Variants in TNC observed in about 807,000 individuals in gnomAD.
The protein encoded by TNC is tenascin C, also known as tenascin.
Under a neutral mutation model 202.4 loss-of-function variants are expected in TNC, and 109 were observed. That is an observed-to-expected ratio of 0.54 (90% CI 0.46 to 0.63). The LOEUF is 0.63. TNC is among the 30% of genes least tolerant of loss of function. TNC has a pLI of 0.00. For missense variants in TNC, 2,756 were observed against 2,833.3 expected (o/e 0.97, Z 0.62); for synonymous variants, 1,007 against 1,089.7 (o/e 0.92, Z 1.50).
At chr9:115,068,998 A>T (rs1225933945) in intron 10 of TNC, among the ~76,000 whole-genome samples, 1 of 152,198 alleles carries the variant, frequency 6.6e-6, no homozygotes, top group African/African-American at 2.4e-5. Flanking sequence ...TCTTATAGCA[A>T]CGTGCACCAT....
At chr9:115,042,589 C>T (rs113768206) in intron 17 of TNC, among the ~76,000 whole-genome samples, 2,335 of 152,174 alleles carry the variant, frequency 0.015, 26 homozygotes, top group Middle Eastern at 0.024. Context: ...AGTGATAGGA[C>T]CATAGCTGAC....
intron 14 of TNC, 128 bp downstream of exon 14, chr9:115,059,602 T>C (rs932149045): frequency 6.5e-5 from 65 of 1,004,746 alleles, no homozygotes; most frequent in Non-Finnish European, 8.7e-5. Flanking sequence ...TCTCTGAGCA[T>C]GCACAGCCGG....
rs1466208761 is a variant in TNC, at chr9:115,059,859, G to A, written c.4177C>T (p.Leu1393Phe). ...EVNKVEAAQN[L>F]TLPGSLRAVD... Reference sequence around the variant, plus strand: ...GCCCTGAGGCTGCCAGGCAACGTGAGGTTCTGGGCTGCCTCCACTTTGTTG... The same window carrying A: ...GCCCTGAGGCTGCCAGGCAACGTGAAGTTCTGGGCTGCCTCCACTTTGTTG... The change falls in exon 14 of 28, where the codon CTC becomes TTC. Residue 1393 changes from leucine (L) to phenylalanine (F), a missense_variant. By Grantham distance (22) the Leu-to-Phe change is conservative. This residue lies in a region of TNC where 2,559 missense variants were observed against 2,546.0 expected (regional missense o/e 1.01). Transcript: ENST00000350763. The A allele has an allele frequency of 4.3e-6, 7 of 1,614,002 alleles. No individual in the cohort carries two copies. The highest frequency in any genetic ancestry group is 3.3e-5 in the South Asian group (3 of 91,076).
intron 7 of TNC, among the ~76,000 whole-genome samples, chr9:115,077,482 G>A (rs1262054): frequency 6.6e-6 from 1 of 152,174 alleles, no homozygotes; most frequent in Non-Finnish European, 1.5e-5. Flanking sequence ...GAGCCACCAC[G>A]CCCGGCCTCC....
intron 27 of TNC, among the ~76,000 whole-genome samples, chr9:115,023,642 T>C (rs1159802569): frequency 3.3e-5 from 5 of 152,234 alleles, no homozygotes; most frequent in African/African-American, 1.2e-4. Context: ...TTCTGTGTCA[T>C]CAACCCTGCT....
chr9:115,055,194 T>A (rs1832016758), intron 15 of TNC, among the ~76,000 whole-genome samples: 1 of 152,150 alleles, frequency 6.6e-6, no homozygotes, highest in Non-Finnish European at 1.5e-5. Flanking sequence ...GATGAAAAGA[T>A]GATTTAGAAA....
At chr9:115,065,478 T>C (rs1832878025) in intron 10 of TNC, among the ~76,000 whole-genome samples, 1 of 152,216 alleles carries the variant, frequency 6.6e-6, no homozygotes, top group African/African-American at 2.4e-5. Context: ...TATTGATCAG[T>C]GTCCTGCAGA....
intron 7 of TNC, among the ~76,000 whole-genome samples, 194 bp from the exon 8 acceptor site, chr9:115,076,769 T>C (rs1833896719): frequency 6.6e-6 from 1 of 152,248 alleles, no homozygotes; most frequent in African/African-American, 2.4e-5. Flanking sequence ...TTCCCTATTA[T>C]GGATGAGTGC....
At chr9:115,115,441 G>A (rs1432000151) in intron 1 of TNC, among the ~76,000 whole-genome samples, 2 of 152,166 alleles carry the variant, frequency 1.3e-5, no homozygotes, top group Non-Finnish European at 2.9e-5. Context: ...CCTTGGTAAA[G>A]TTATTCAGTC....
intron 7 of TNC, 93 bp downstream of exon 7, chr9:115,077,849 TA>T: frequency 7.4e-7 from 1 of 1,345,648 alleles, no homozygotes; most frequent in Non-Finnish European, 1.0e-6. Flanking sequence ...TTTCGTACTG[TA>T]AAATGAGCCT....
intron 6 of TNC, among the ~76,000 whole-genome samples, chr9:115,080,361 C>T (rs1422682457): frequency 6.6e-6 from 1 of 151,974 alleles, no homozygotes; most frequent in Non-Finnish European, 1.5e-5. Context: ...CTACCTACCA[C>T]AGAGAGGTGG....
At chr9:115,100,007 T>C (rs1317977365) in intron 1 of TNC, among the ~76,000 whole-genome samples, 1 of 152,214 alleles carries the variant, frequency 6.6e-6, no homozygotes, top group Admixed American at 6.5e-5. Context: ...AGCAAATGAA[T>C]TAGCCTGGTG....
intron 1 of TNC, among the ~76,000 whole-genome samples, chr9:115,092,497 T>C (rs1366822251): frequency 6.6e-6 from 1 of 152,232 alleles, no homozygotes; most frequent in Non-Finnish European, 1.5e-5. Context: ...CTATACACGA[T>C]ATGAAGTCAT....
At position 115,064,534 on chromosome 9, in the gene TNC, TA is replaced by T. The variant is rs1359279458; in HGVS notation, c.3487+112del. On this transcript the variant is annotated intron_variant, in intron 11 of 27. Coordinates refer to ENST00000350763, the MANE Select transcript of TNC (RefSeq NM_002160.4). Reference sequence around the variant, plus strand: ...GGCCTCGTGTCACAATTAGACCCCATAGACATAAGTAGTGGCAGAACAAGTC... The same window carrying T: ...GGCCTCGTGTCACAATTAGACCCCATGACATAAGTAGTGGCAGAACAAGTC... The T allele has an allele frequency of 9.0e-6, 12 of 1,336,552 alleles. No individual in the cohort carries two copies. The Admixed American group carries it at 2.5e-4, about 28-fold the overall frequency. The allele number at this position is 1,336,552 out of a possible 1,614,324, so 82.8% of individuals were successfully genotyped here.
chr9:115,101,678 G>A (rs1200098083), intron 1 of TNC, among the ~76,000 whole-genome samples: 1 of 152,170 alleles, frequency 6.6e-6, no homozygotes, highest in Non-Finnish European at 1.5e-5. Context: ...ACCTCCCAAT[G>A]TGCTGGGTAC....
chr9:115,090,854 G>A lies in TNC; in HGVS notation c.165C>T (p.Asn55=), dbSNP rs200990495. Residue 55 remains asparagine, a synonymous_variant, in exon 2 of 28, where the codon AAC becomes AAT. Coordinates refer to ENST00000350763, the MANE Select transcript of TNC (RefSeq NM_002160.4). ...ACTGGGATCCCACTGGCAGCTTGAT[G>A]TTGTAAACGTGGTTAAACACCACTG... The part of the protein sequence containing the change: ...NQPVVFNHVY[N]IKLPVGSQCS... 6.2e-7 allele frequency: 1 copy of A among 1,614,230 alleles called. No homozygotes were observed. The highest frequency in any genetic ancestry group is 1.3e-5 in the African/African-American group (1 of 75,070).
At chr9:115,023,895 G>A in intron 27 of TNC, 78 bp downstream of exon 27, 18 of 1,494,564 alleles carry the variant, frequency 1.2e-5, no homozygotes, top group Non-Finnish European at 1.7e-5. Flanking sequence ...TGCTAGGATA[G>A]GGAGTTAAAT....
chr9:115,098,423 A>T (rs1486424207), intron 1 of TNC, among the ~76,000 whole-genome samples: 1 of 152,186 alleles, frequency 6.6e-6, no homozygotes, highest in Non-Finnish European at 1.5e-5. Flanking sequence ...GGAATAGGCT[A>T]ACAGTTATTT....
intron 9 of TNC, 127 bp from the exon 10 acceptor site, chr9:115,073,993 G>C (rs1487280059): frequency 3.4e-6 from 3 of 894,066 alleles, no homozygotes; most frequent in African/African-American, 1.7e-5. Context: ...GACCACAGGA[G>C]AGTCACATCT....
Sources: allele counts gnomAD v4.1 joint callset (sites outside exome capture counted in the v4.1 genomes callset), GRCh38; gene constraint gnomAD v4.1.1; regional missense constraint gnomAD v4.1.1; transcripts MANE v1.5; gene names NCBI Gene and HGNC (gene_info 2026-07-23, HGNC 2026-07-21).